The following FGFR2 variants were observed in gnomAD, a reference collection of about 807,000 sequenced individuals.
FGFR2 encodes BEK fibroblast growth factor receptor.
Under a neutral mutation model 95.9 loss-of-function variants are expected in FGFR2, and 19 were observed. The ratio of observed to expected loss-of-function variants is 0.20; its 90% CI spans 0.14 to 0.29. The LOEUF (loss-of-function observed/expected upper bound fraction) is 0.29, where lower values mean the gene tolerates loss of function less well. Among genes scored for constraint, FGFR2 ranks in the 10% least tolerant of loss-of-function variants. The probability of loss-of-function intolerance (pLI) is 1.00; values close to 1 mark genes in which losing one functional copy is unlikely to be tolerated. For synonymous variants in FGFR2, 392 were observed against 393.3 expected (o/e 1.00, Z 0.04); for missense variants, 707 against 1,056.9 (o/e 0.67, Z 4.59).
intron 2 of FGFR2, among the ~76,000 whole-genome samples, chr10:121,579,883 A>G (rs927728602): frequency 2.6e-5 from 4 of 152,226 alleles, no homozygotes; most frequent in African/African-American, 9.6e-5. Flanking sequence ...AGCCTGACTC[A>G]TTCCAGAAGC....
chr10:121,544,289 T>G (rs151293262), intron 5 of FGFR2, among the ~76,000 whole-genome samples: 13 of 151,820 alleles, frequency 8.6e-5, no homozygotes, highest in African/African-American at 2.9e-4. Flanking sequence ...CTACTAAAAA[T>G]ACAAAAATTA....
intron 15 of FGFR2, among the ~76,000 whole-genome samples, chr10:121,486,058 G>A (rs558535968): frequency 6.6e-6 from 1 of 152,304 alleles, no homozygotes; most frequent in Non-Finnish European, 1.5e-5. Context: ...ACATGCCCCA[G>A]ATGAGTTGCA....
In FGFR2 at chr10:121,485,270, T is replaced by G; in HGVS notation, c.2195+125A>C. 1.5e-6 allele frequency: 2 copies of G among 1,301,648 alleles called. No individual in the cohort carries two copies. The highest frequency in any genetic ancestry group is 3.4e-5 in the Admixed American group (2 of 59,500). The allele number at this position is 1,301,648 out of a possible 1,614,324, so 80.6% of individuals were successfully genotyped here. A position where few individuals can be genotyped will look rare whatever the true frequency, so the allele number is the denominator to read the frequency against. On this transcript the variant is annotated intron_variant, in intron 16 of 17. Transcript: ENST00000358487. The surrounding 1 kb of genome is among the most constrained non-coding windows in gnomAD (Gnocchi z 4.2). The stretch of plus-strand genomic sequence containing the variant: ...CAGCTCTGGATTGAGCCCAGAGAGC[T>G]TCAGCCATTCTTCTTAGAGCATGTT...
chr10:121,547,588 G>C (rs1197275627), intron 5 of FGFR2, among the ~76,000 whole-genome samples: 2 of 151,722 alleles, frequency 1.3e-5, no homozygotes, highest in East Asian at 1.9e-4. Flanking sequence ...CAGAAATGGG[G>C]GTCTCACTAT....
chr10:121,505,923 G>A (rs2134094841), intron 9 of FGFR2, among the ~76,000 whole-genome samples: 1 of 152,254 alleles, frequency 6.6e-6, no homozygotes, highest in South Asian at 2.1e-4. Flanking sequence ...CGTGTGCTGT[G>A]GATGCTTAAG....
chr10:121,578,187 T>A (rs916009980), intron 2 of FGFR2, among the ~76,000 whole-genome samples: 2 of 151,782 alleles, frequency 1.3e-5, no homozygotes, highest in Non-Finnish European at 2.9e-5. Flanking sequence ...TCTACTCTTT[T>A]AAAAAGGCAC....
intron 17 of FGFR2, chr10:121,480,448 C>A: frequency 3.6e-6 from 1 of 280,178 alleles, no homozygotes; most frequent in Non-Finnish European, 6.9e-6. Flanking sequence ...AATGCGAGCC[C>A]CAGCAAAATG....
At chr10:121,555,450 A>T (rs190982630) in intron 4 of FGFR2, among the ~76,000 whole-genome samples, 8 of 152,292 alleles carry the variant, frequency 5.3e-5, no homozygotes, top group Admixed American at 5.2e-4. Context: ...AACTTTATAT[A>T]CCTTAGAGGT....
At chr10:121,557,349 C>A (rs1856297502) in intron 4 of FGFR2, among the ~76,000 whole-genome samples, 1 of 152,194 alleles carries the variant, frequency 6.6e-6, no homozygotes, top group Admixed American at 6.5e-5. Context: ...TGCTCCGTTG[C>A]CCAGGCTGCA....
At chr10:121,547,116 T>G (rs1387247120) in intron 5 of FGFR2, among the ~76,000 whole-genome samples, 4 of 152,076 alleles carry the variant, frequency 2.6e-5, no homozygotes, top group Admixed American at 1.3e-4. Flanking sequence ...CCCAGCTACT[T>G]GTGAGGCTGA....
intron 4 of FGFR2, among the ~76,000 whole-genome samples, chr10:121,553,848 G>C (rs912147713): frequency 6.6e-6 from 1 of 152,162 alleles, no homozygotes; most frequent in Non-Finnish European, 1.5e-5. Context: ...TAGGAATGTT[G>C]TTCTTTTCTG....
At chr10:121,576,389 C>G (rs1161187711) in intron 2 of FGFR2, among the ~76,000 whole-genome samples, 1 of 152,136 alleles carries the variant, frequency 6.6e-6, no homozygotes, top group African/African-American at 2.4e-5. Context: ...CTCCTACCTT[C>G]TGAAAATACA....
At chr10:121,566,609 T>C (rs1435624848) in intron 2 of FGFR2, among the ~76,000 whole-genome samples, 1 of 152,180 alleles carries the variant, frequency 6.6e-6, no homozygotes, top group African/African-American at 2.4e-5. Flanking sequence ...TCCTCCGTGA[T>C]GGGAGTCACC....
chr10:121,524,304 TG>T (rs1851024042), intron 6 of FGFR2, among the ~76,000 whole-genome samples: 1 of 152,200 alleles, frequency 6.6e-6, no homozygotes, highest in South Asian at 2.1e-4. Context: ...TTCTCACTTC[TG>T]GTAGAAAAAC....
In FGFR2 at chr10:121,496,642, C is replaced by G. The variant is rs1564875398; in HGVS notation, c.1753G>C (p.Glu585Gln). The change falls in exon 13 of 18, where the codon GAG (glutamate) becomes CAG (glutamine). Residue 585 changes from glutamate (E) to glutamine (Q), a missense_variant. Transcript: ENST00000358487. The stretch of plus-strand genomic sequence containing the variant: ...ACACGGTTAATGTCATAGGAGTACT[C>G]CATCCCGGGTGGCCTCCGGGCTCGG... ...YLRARRPPGM[E>Q]YSYDINRVPE... 8 of 1,612,540 alleles carry G rather than the reference C, an allele frequency of 5.0e-6. No individual in the cohort carries two copies. The highest frequency in any genetic ancestry group is 6.8e-6 in the Non-Finnish European group (8 of 1,179,932).
intron 6 of FGFR2, among the ~76,000 whole-genome samples, chr10:121,520,666 G>T (rs548888382): frequency 6.6e-6 from 1 of 151,884 alleles, no homozygotes; most frequent in Non-Finnish European, 1.5e-5. Flanking sequence ...TTTCTCAGAC[G>T]GGGTCTCACT....
intron 4 of FGFR2, among the ~76,000 whole-genome samples, chr10:121,561,246 G>A (rs1017640040): frequency 6.6e-6 from 1 of 152,004 alleles, no homozygotes; most frequent in African/African-American, 2.4e-5. Flanking sequence ...CCAACATGGA[G>A]AAACCCCGTC....
chr10:121,580,649 G>T (rs891780079), intron 2 of FGFR2, among the ~76,000 whole-genome samples: 1 of 152,096 alleles, frequency 6.6e-6, no homozygotes, highest in South Asian at 2.1e-4. Context: ...GGAGCCACAG[G>T]GATCACTTTT....
intron 10 of FGFR2, among the ~76,000 whole-genome samples, chr10:121,503,581 A>C (rs1274014056): frequency 6.6e-6 from 1 of 152,200 alleles, no homozygotes; most frequent in Non-Finnish European, 1.5e-5. Flanking sequence ...GCCAGGGGCA[A>C]GTAGCTCTGC....
Sources: allele counts gnomAD v4.1 joint callset (sites outside exome capture counted in the v4.1 genomes callset), GRCh38; gene constraint gnomAD v4.1.1; non-coding constraint Gnocchi (gnomAD v3.1); transcripts MANE v1.5; gene names NCBI Gene and HGNC (gene_info 2026-07-23, HGNC 2026-07-21).